Variants in ARL15 observed in about 807,000 individuals in gnomAD.
The protein encoded by ARL15 is ADP-ribosylation factor-like protein 15.
Under a neutral mutation model 25.2 loss-of-function variants are expected in ARL15, and 19 were observed. That is an observed-to-expected ratio of 0.75 (90% confidence interval 0.53 to 1.10). The LOEUF is 1.10. Among genes scored for constraint, ARL15 ranks in the 50% least tolerant of loss-of-function variants. ARL15 has a pLI of 0.00. For synonymous variants in ARL15, 94 were observed against 86.8 expected, an observed-to-expected ratio of 1.08 and a Z score of -0.46; for missense variants, 220 against 246.0, an observed-to-expected ratio of 0.89 and a Z score of 0.71.
At chr5:54,290,920 A>G (rs964688657) in intron 1 of ARL15, among the ~76,000 whole-genome samples, 2 of 152,118 alleles carry the variant, frequency 1.3e-5, no homozygotes, top group Non-Finnish European at 2.9e-5. Flanking sequence ...TGATACCTAC[A>G]CTGTCAAATC....
chr5:54,079,129 A>G (rs1427842651), intron 4 of ARL15, among the ~76,000 whole-genome samples: 1 of 152,208 alleles, frequency 6.6e-6, no homozygotes, highest in African/African-American at 2.4e-5. Context: ...ATCAGAATAA[A>G]GTCAGATGCT....
chr5:54,006,428 AT>A lies in ARL15; in HGVS notation c.462+106773del, dbSNP rs397729053. Among the ~76,000 whole-genome samples, 143 of 148,410 alleles carry A rather than the reference AT, an allele frequency of 9.6e-4. 5 individuals carry two copies. The highest frequency in any genetic ancestry group is 3.0e-3 in the East Asian group (15 of 5,066). On this transcript the variant is annotated intron_variant, in intron 4 of 4. Coordinates refer to ENST00000504924, the MANE Select transcript of ARL15 (RefSeq NM_019087.3). ...TAAATACATATGCACAACAAAAAAGATTTTTTTTTTTTACAAAACAGTGTGT... is the reference window on the plus strand; with the variant it reads ...TAAATACATATGCACAACAAAAAAGATTTTTTTTTTTACAAAACAGTGTGT...
intron 1 of ARL15, among the ~76,000 whole-genome samples, chr5:54,239,571 A>C (rs1446818116): frequency 6.6e-6 from 1 of 152,116 alleles, no homozygotes; most frequent in Non-Finnish European, 1.5e-5. Flanking sequence ...ACATAGGCTT[A>C]TGTGTTTTCC....
chr5:54,065,464 G>A (rs1159631202), intron 4 of ARL15, among the ~76,000 whole-genome samples: 2 of 152,098 alleles, frequency 1.3e-5, no homozygotes, highest in Admixed American at 6.5e-5. Context: ...TCAGGAGTTC[G>A]AGACCAGGCT....
At chr5:54,142,798 T>C (rs1409409244) in intron 3 of ARL15, among the ~76,000 whole-genome samples, 1 of 152,250 alleles carries the variant, frequency 6.6e-6, no homozygotes, top group Non-Finnish European at 1.5e-5. Flanking sequence ...ATTTTCCTTT[T>C]ATGGATCATG....
intron 1 of ARL15, among the ~76,000 whole-genome samples, chr5:54,228,812 T>C (rs945503014): frequency 2.0e-5 from 3 of 152,202 alleles, no homozygotes; most frequent in Admixed American, 1.3e-4. Flanking sequence ...ATTCTTTACT[T>C]AAGAGATCTG....
At chr5:54,257,535 G>C (rs1757399598) in intron 1 of ARL15, among the ~76,000 whole-genome samples, 2 of 152,274 alleles carry the variant, frequency 1.3e-5, no homozygotes, top group South Asian at 4.1e-4. Context: ...GTAGGCTCTG[G>C]ATCTGAGGTG....
chr5:53,956,803 A>T (rs893239876), intron 4 of ARL15, among the ~76,000 whole-genome samples: 1 of 152,068 alleles, frequency 6.6e-6, no homozygotes, highest in African/African-American at 2.4e-5. Context: ...AACTACAATG[A>T]CTCAAATAAA....
chr5:53,892,601 CTTTT>C (rs70986647), intron 4 of ARL15, among the ~76,000 whole-genome samples: 4 of 141,226 alleles, frequency 2.8e-5, no homozygotes, highest in African/African-American at 1.0e-4. Context: ...ATTACTGTTA[CTTTT>C]TTTTTTTTTT....
At chr5:54,177,872 C>T (rs1360912032) in intron 1 of ARL15, among the ~76,000 whole-genome samples, 1 of 152,164 alleles carries the variant, frequency 6.6e-6, no homozygotes, top group Non-Finnish European at 1.5e-5. Flanking sequence ...AAGGGCACCT[C>T]CTCTGAGAAG....
chr5:54,050,317 A>C (rs1335158355), intron 4 of ARL15, among the ~76,000 whole-genome samples: 1 of 152,218 alleles, frequency 6.6e-6, no homozygotes, highest in Non-Finnish European at 1.5e-5. Flanking sequence ...TAGAGATGAA[A>C]TTGTGCAGTT....
At chr5:54,000,604 T>C (rs1402553184) in intron 4 of ARL15, among the ~76,000 whole-genome samples, 1 of 152,208 alleles carries the variant, frequency 6.6e-6, no homozygotes, top group African/African-American at 2.4e-5. Flanking sequence ...CCAGCCTGTC[T>C]CTGCGGTACA....
intron 4 of ARL15, among the ~76,000 whole-genome samples, chr5:54,003,670 AT>A (rs1424376642): frequency 4.6e-5 from 1 of 21,650 alleles, no homozygotes; most frequent in Admixed American, 4.0e-4. Flanking sequence ...CTTTCTATCT[AT>A]CTATCTATCT....
intron 3 of ARL15, among the ~76,000 whole-genome samples, chr5:54,145,298 AT>A (rs1451581873): frequency 6.6e-6 from 1 of 152,214 alleles, no homozygotes; most frequent in Non-Finnish European, 1.5e-5. Context: ...GAATTTCAAG[AT>A]TAAAATAATC....
intron 2 of ARL15, among the ~76,000 whole-genome samples, chr5:54,160,880 G>A (rs1754383355): frequency 6.6e-6 from 1 of 152,034 alleles, no homozygotes; most frequent in African/African-American, 2.4e-5. Flanking sequence ...CTTTTCGAAT[G>A]TTCAAAACTC....
intron 1 of ARL15, among the ~76,000 whole-genome samples, chr5:54,303,573 T>C (rs1443604857): frequency 6.9e-6 from 1 of 145,034 alleles, no homozygotes; most frequent in Non-Finnish European, 1.5e-5. Context: ...GGTAGGAATG[T>C]GCCCCTGAAA....
chr5:53,904,134 T>A (rs1271042268), intron 4 of ARL15, among the ~76,000 whole-genome samples: 1 of 152,152 alleles, frequency 6.6e-6, no homozygotes, highest in Non-Finnish European at 1.5e-5. Flanking sequence ...AGAGCTATGA[T>A]AAAAGCTCTA....
Position 54,283,388 on chromosome 5 carries a change from C to T in ARL15, c.48+27044G>A, listed in dbSNP as rs920580830. Among the ~76,000 whole-genome samples the T allele has an allele frequency of 3.3e-5, 5 of 152,224 alleles. No individual in the cohort carries two copies. The East Asian group carries it at 7.7e-4, about 23-fold the overall frequency. On this transcript the variant is annotated intron_variant, in intron 1 of 4. Transcript: ENST00000504924. ...AATTACAGCAATGGAAAATCAAACT[C>T]TTAGGACACTCTGTTGAGTGAAGTA...
At chr5:54,292,755 TCTCA>T (rs1202427550) in intron 1 of ARL15, among the ~76,000 whole-genome samples, 1 of 152,132 alleles carries the variant, frequency 6.6e-6, no homozygotes, top group Non-Finnish European at 1.5e-5. Flanking sequence ...TATACTGTCG[TCTCA>T]CTCAGCGCTC....
Sources: allele counts gnomAD v4.1 joint callset (sites outside exome capture counted in the v4.1 genomes callset), GRCh38; gene constraint gnomAD v4.1.1; transcripts MANE v1.5; gene names NCBI Gene and HGNC (gene_info 2026-07-23, HGNC 2026-07-21).